NCAPG: variants seen among roughly 807,000 people sequenced by gnomAD.
NCAPG encodes the protein non-SMC condensin I complex subunit G, also known as condensin complex subunit 3.
NCAPG carries 69 observed loss-of-function variants against 113.1 expected under a neutral mutation model. That is an observed-to-expected ratio of 0.61 (90% CI 0.50 to 0.75). The LOEUF (loss-of-function observed/expected upper bound fraction) is 0.75, where lower values mean the gene tolerates loss of function less well. Among genes scored for constraint, NCAPG ranks in the 30% least tolerant of loss-of-function variants. NCAPG has a pLI of 0.00. For synonymous variants in NCAPG, 370 were observed against 415.8 expected, an observed-to-expected ratio of 0.89 and a Z score of 1.34; for missense variants, 1,058 against 1,177.0, an observed-to-expected ratio of 0.90 and a Z score of 1.48.
Position 17,814,816 on chromosome 4 carries a change from A to G in NCAPG, c.545-37A>G, listed in dbSNP as rs149754298. 2.4e-5 allele frequency: 38 copies of G among 1,577,840 alleles called. No individual in the cohort carries two copies. In the African/African-American group the frequency reaches 4.6e-4, roughly 19 times the overall value. Reference sequence around the variant, plus strand: ...TTTTATGACTGTAGTTAAATAAATAATTTCATCAGTACTAAAATGTATTGC... The same window carrying G: ...TTTTATGACTGTAGTTAAATAAATAGTTTCATCAGTACTAAAATGTATTGC... On this transcript the variant is annotated intron_variant, in intron 3 of 20. Transcript: ENST00000251496.
At chr4:17,821,922 G>T (rs1721472013) in intron 7 of NCAPG, among the ~76,000 whole-genome samples, 1 of 152,066 alleles carries the variant, frequency 6.6e-6, no homozygotes, top group Non-Finnish European at 1.5e-5. Context: ...TGAATATACA[G>T]CCTTCTTGGT....
rs909474916 is a variant in NCAPG, at chr4:17,833,482, A to T, written c.1885-817A>T. Reference sequence around the variant, plus strand: ...TCAAAAAAAAAAAATATATATATATATTTTTGTTGTTGTTGTTGTTGTTGT... The same window carrying T: ...TCAAAAAAAAAAAATATATATATATTTTTTTGTTGTTGTTGTTGTTGTTGT... On this transcript the variant is annotated intron_variant, in intron 13 of 20. Transcript: ENST00000251496. Among the ~76,000 whole-genome samples the T allele has an allele frequency of 4.7e-4, 58 of 122,872 alleles. 1 individual carries two copies. The highest frequency in any genetic ancestry group is 3.0e-4 in the African/African-American group (7 of 23,346). 80.6% of individuals were successfully genotyped at this position (122,872 alleles called of 152,430 possible). A position where few individuals can be genotyped will look rare whatever the true frequency, so the allele number is the denominator to read the frequency against.
intron 19 of NCAPG, 124 bp downstream of exon 19, chr4:17,840,817 CTT>C: frequency 2.1e-6 from 1 of 475,196 alleles, no homozygotes; most frequent in Non-Finnish European, 3.5e-6. Flanking sequence ...TTTAAAATGT[CTT>C]TGGTATCCTT....
chr4:17,843,393 C>G lies in NCAPG; in HGVS notation c.3016C>G (p.Leu1006Val). ...AGCACTAGAAAAAAGTAAACTTAAC[C>G]TTGCCCAATTTCTCAATGAAGATCT... is the stretch of plus-strand genomic sequence containing the variant. ...TAALEKSKLNLAQFLNEDLS is the reference protein window; with the variant it reads ...TAALEKSKLNVAQFLNEDLS The change falls in exon 21 of 21, where the codon CTT (leucine) becomes GTT (valine). Residue 1006 changes from leucine (L) to valine (V), a missense_variant. Leu to Val is a conservative substitution (Grantham distance 32). Transcript: ENST00000251496. 1 of 1,611,656 alleles carries G rather than the reference C, an allele frequency of 6.2e-7. No individual in the cohort carries two copies. The highest frequency in any genetic ancestry group is 8.5e-7 in the Non-Finnish European group (1 of 1,178,112).
At chr4:17,840,863 G>A (rs1005057773) in intron 19 of NCAPG, among the ~76,000 whole-genome samples, 170 bp downstream of exon 19, 1 of 151,730 alleles carries the variant, frequency 6.6e-6, no homozygotes, top group African/African-American at 2.4e-5. Flanking sequence ...GTCAGTTTTT[G>A]CCTTGTGTCT....
At chr4:17,823,794 A>G in intron 9 of NCAPG, 24 bp downstream of exon 9, 1 of 1,574,194 alleles carries the variant, frequency 6.4e-7, no homozygotes, top group South Asian at 1.1e-5. Flanking sequence ...CTCATTGTTG[A>G]TAAAGAGGTT....
chr4:17,837,594 C>T (rs776696617), intron 15 of NCAPG, 33 bp from the exon 16 acceptor site: 1 of 1,577,276 alleles, frequency 6.3e-7, no homozygotes, highest in South Asian at 1.2e-5. Flanking sequence ...AAATAATGTT[C>T]TGCCAACATA....
rs778129060 is a variant in NCAPG at position 17,823,704 on chromosome 4, C to G, written c.1317C>G (p.Ser439=). Residue 439 remains serine, a synonymous_variant, in exon 9 of 21, where the codon TCC becomes TCG. Transcript: ENST00000251496. ...TTATTTTACCCACAATCCCAATATC[C>G]CTGGTTTCTTTTCTTGTTGAAAGAC... ...EILILPTIPI[S]LVSFLVERLL... 6.2e-7 allele frequency: 1 copy of G among 1,608,834 alleles called. No homozygotes were observed. Among genetic ancestry groups the G allele is most frequent in the East Asian group, 2.2e-5 (1 of 44,678 alleles).
chr4:17,843,024 A>ACAAG (rs1253038966), intron 20 of NCAPG: 4 of 221,992 alleles, frequency 1.8e-5, no homozygotes, highest in African/African-American at 9.2e-5. Flanking sequence ...TCGTTTAATT[A>ACAAG]CAAGCTTCAT....
chr4:17,829,182 G>C (rs1259003513), intron 12 of NCAPG, among the ~76,000 whole-genome samples: 1 of 152,074 alleles, frequency 6.6e-6, no homozygotes, highest in Non-Finnish European at 1.5e-5. Flanking sequence ...TTAGTGCGCT[G>C]TTTTGTTGTT....
chr4:17,816,186 C>T (rs1251109827), intron 5 of NCAPG, among the ~76,000 whole-genome samples: 1 of 151,986 alleles, frequency 6.6e-6, no homozygotes, highest in Admixed American at 6.5e-5. Context: ...ACTGTTCCAC[C>T]TCAGATCATC....
chr4:17,835,717 C>G (rs1722068272), intron 14 of NCAPG, among the ~76,000 whole-genome samples: 1 of 152,220 alleles, frequency 6.6e-6, no homozygotes, highest in South Asian at 2.1e-4. Context: ...TAAGTGGAAT[C>G]ATACAGTATG....
rs1378602846 is a variant in NCAPG, at chr4:17,839,696, T to C, written c.2487T>C (p.Asn829=). The part of the protein sequence containing the change: ...QDYQALTVHD[N]LAMKICNEIL... ...TTTAGGCCTTAACAGTACATGACAA[T>C]TTGGCTATGAAAATTTGCAATGAGA... Residue 829 remains asparagine, a synonymous_variant, in exon 17 of 21, where the codon AAT becomes AAC. Coordinates refer to ENST00000251496, the MANE Select transcript of NCAPG (RefSeq NM_022346.5). 1 of 1,561,436 alleles carries C rather than the reference T, an allele frequency of 6.4e-7. No homozygotes were observed. The highest frequency in any genetic ancestry group is 1.4e-5 in the African/African-American group (1 of 71,424).
intron 14 of NCAPG, among the ~76,000 whole-genome samples, chr4:17,834,997 T>C (rs990548440): frequency 1.3e-5 from 2 of 152,228 alleles, no homozygotes; most frequent in Admixed American, 1.3e-4. Context: ...ATTTGTGATA[T>C]AGAGACTCTA....
intron 7 of NCAPG, among the ~76,000 whole-genome samples, chr4:17,819,679 C>T (rs1721370297): frequency 6.6e-6 from 1 of 152,166 alleles, no homozygotes; most frequent in Non-Finnish European, 1.5e-5. Context: ...GGATTACAGG[C>T]GTGAGCCACA....
Position 17,840,276 on chromosome 4 carries a change from A to AT in NCAPG, c.2767+74dup, listed in dbSNP as rs1380120741. On this transcript the variant is annotated intron_variant, in intron 18 of 20. Transcript: ENST00000251496. ...TTTTTTTCCATCTTTACTGAGACATATTTTTTTCTACTCTAACATGTTTGG... is the reference window on the plus strand; with the variant it reads ...TTTTTTTCCATCTTTACTGAGACATATTTTTTTTCTACTCTAACATGTTTGG... The AT allele has an allele frequency of 7.0e-6, 10 of 1,430,062 alleles. No individual in the cohort carries two copies. The African/African-American group carries it at 1.0e-4, about 15-fold the overall frequency. 88.6% of individuals were successfully genotyped at this position (1,430,062 alleles called of 1,614,324 possible).
At chr4:17,842,636 T>C in intron 20 of NCAPG, 1 of 353,234 alleles carries the variant, frequency 2.8e-6, no homozygotes, top group Non-Finnish European at 5.2e-6. Flanking sequence ...TTTAATTACA[T>C]GATGTGACTC....
intron 19 of NCAPG, 176 bp from the exon 20 acceptor site, chr4:17,842,134 G>T (rs1722469443): frequency 1.8e-6 from 1 of 543,320 alleles, no homozygotes; most frequent in Non-Finnish European, 3.4e-6. Flanking sequence ...ATCTTGCTTG[G>T]GTTCCTTTTT....
chr4:17,836,740 C>T (rs1002770658), intron 14 of NCAPG, among the ~76,000 whole-genome samples: 2 of 152,146 alleles, frequency 1.3e-5, no homozygotes, highest in African/African-American at 4.8e-5. Context: ...CACATTCTAT[C>T]CATTATTCAG....
Sources: allele counts gnomAD v4.1 joint callset (sites outside exome capture counted in the v4.1 genomes callset), GRCh38; gene constraint gnomAD v4.1.1; transcripts MANE v1.5; gene names NCBI Gene and HGNC (gene_info 2026-07-23, HGNC 2026-07-21).